Variants in EXOC4 observed in about 807,000 individuals in gnomAD.
EXOC4 encodes SEC8-like 1.
In EXOC4, 71 loss-of-function variants were observed where a neutral mutation model predicts 107.2. The ratio of observed to expected loss-of-function variants is 0.66; its 90% CI spans 0.55 to 0.81. The LOEUF (loss-of-function observed/expected upper bound fraction) is 0.81, where lower values mean the gene tolerates loss of function less well. Among genes scored for constraint, EXOC4 ranks in the 30% least tolerant of loss-of-function variants. The pLI is 0.00. For missense variants in EXOC4, 1,108 were observed against 1,189.6 expected (o/e 0.93, Z 1.01); for synonymous variants, 456 against 441.2 (o/e 1.03, Z -0.42).
intron 10 of EXOC4, among the ~76,000 whole-genome samples, chr7:133,770,736 A>T (rs959414964): frequency 3.9e-5 from 6 of 151,956 alleles, no homozygotes; most frequent in Admixed American, 3.9e-4. Context: ...TTTTTAAAAT[A>T]TGTAGACTCA....
intron 9 of EXOC4, among the ~76,000 whole-genome samples, chr7:133,555,889 A>G (rs1800680989): frequency 6.6e-6 from 1 of 152,186 alleles, no homozygotes; most frequent in Non-Finnish European, 1.5e-5. Context: ...CACTTAGAAA[A>G]TTATAACCAC....
chr7:133,924,232 G>A (rs564211299), intron 13 of EXOC4, among the ~76,000 whole-genome samples: 11 of 152,192 alleles, frequency 7.2e-5, no homozygotes, highest in East Asian at 1.9e-4. Context: ...TAATAGTTGC[G>A]CTACAAGCAG....
chr7:134,031,480 G>C (rs1795269939), intron 17 of EXOC4, among the ~76,000 whole-genome samples: 1 of 152,082 alleles, frequency 6.6e-6, no homozygotes, highest in South Asian at 2.1e-4. Context: ...TGGTAGTCTT[G>C]GTGATTTTAG....
chr7:133,256,019 T>C (rs1422237853), intron 1 of EXOC4, among the ~76,000 whole-genome samples: 2 of 151,802 alleles, frequency 1.3e-5, no homozygotes, highest in Non-Finnish European at 2.9e-5. Context: ...TCTCTCTCTG[T>C]CGCCCAGGCT....
At chr7:133,659,000 CTTTTTT>C (rs397890140) in intron 10 of EXOC4, among the ~76,000 whole-genome samples, 3 of 40,108 alleles carry the variant, frequency 7.5e-5, no homozygotes, top group South Asian at 1.6e-3. Context: ...TTCAGAGAAG[CTTTTTT>C]TTTTTTTTTT....
intron 10 of EXOC4, among the ~76,000 whole-genome samples, chr7:133,809,436 A>G (rs1285593293): frequency 6.6e-6 from 1 of 152,246 alleles, no homozygotes; most frequent in African/African-American, 2.4e-5. Flanking sequence ...ATCTTGGACT[A>G]AAATGGAGAT....
intron 11 of EXOC4, among the ~76,000 whole-genome samples, chr7:133,877,521 G>A (rs1270302360): frequency 1.5e-4 from 23 of 152,032 alleles, no homozygotes; most frequent in Admixed American, 1.4e-3. Flanking sequence ...ATTTGGCCCC[G>A]CTACTGAGAC....
chr7:133,320,435 C>G (rs1303579703), intron 5 of EXOC4, among the ~76,000 whole-genome samples: 1 of 152,066 alleles, frequency 6.6e-6, no homozygotes, highest in Non-Finnish European at 1.5e-5. Context: ...GGGTCACATT[C>G]TTCTCATGTT....
Position 133,484,828 on chromosome 7 carries a change from C to T in EXOC4, c.1417+4690C>T, listed in dbSNP as rs563213411. On this transcript the variant is annotated intron_variant, in intron 9 of 17. Transcript: ENST00000253861. The stretch of plus-strand genomic sequence containing the variant: ...ACACAGTGGCTTATGCCTGTAATCC[C>T]AGCACTTTGGGAGGCCTGAGGTGCA... 7.2e-5 allele frequency among the ~76,000 whole-genome samples: 11 copies of T among 151,948 alleles called. No homozygotes were observed. The East Asian group carries it at 1.6e-3, about 21-fold the overall frequency.
intron 7 of EXOC4, among the ~76,000 whole-genome samples, chr7:133,444,600 G>A (rs539620742): frequency 6.6e-6 from 1 of 152,312 alleles, no homozygotes; most frequent in African/African-American, 2.4e-5. Flanking sequence ...GCACTGTAGG[G>A]TGTGATTTGT....
At chr7:133,283,004 T>G (rs1190272938) in intron 2 of EXOC4, among the ~76,000 whole-genome samples, 1 of 152,230 alleles carries the variant, frequency 6.6e-6, no homozygotes, top group African/African-American at 2.4e-5. Flanking sequence ...TTTCTTAGAT[T>G]CTACATGTAA....
At chr7:133,889,248 T>A (rs1799153246) in intron 11 of EXOC4, among the ~76,000 whole-genome samples, 1 of 152,128 alleles carries the variant, frequency 6.6e-6, no homozygotes, top group East Asian at 1.9e-4. Flanking sequence ...GTGTCAAGAA[T>A]TCCATGATAG....
intron 5 of EXOC4, among the ~76,000 whole-genome samples, chr7:133,343,539 T>C (rs1795714424): frequency 6.6e-6 from 1 of 151,820 alleles, no homozygotes; most frequent in Admixed American, 6.6e-5. Flanking sequence ...AGCCTCCCAA[T>C]GTGACAGGAT....
At chr7:133,662,055 A>G (rs1196565067) in intron 10 of EXOC4, among the ~76,000 whole-genome samples, 1 of 152,172 alleles carries the variant, frequency 6.6e-6, no homozygotes. Flanking sequence ...GGTAGTATTA[A>G]AACCCACATT....
chr7:133,541,697 G>A (rs947208221), intron 9 of EXOC4, among the ~76,000 whole-genome samples: 2 of 151,778 alleles, frequency 1.3e-5, no homozygotes, highest in African/African-American at 4.8e-5. Context: ...TAGACATGGG[G>A]GTCTTACTAT....
intron 5 of EXOC4, among the ~76,000 whole-genome samples, chr7:133,353,292 A>C (rs913801332): frequency 2.6e-5 from 4 of 152,148 alleles, no homozygotes; most frequent in Non-Finnish European, 5.9e-5. Context: ...GCAGGACTTT[A>C]TAAAGCATTT....
chr7:133,746,631 G>A (rs1795683118), intron 10 of EXOC4, among the ~76,000 whole-genome samples: 1 of 152,148 alleles, frequency 6.6e-6, no homozygotes, highest in Non-Finnish European at 1.5e-5. Context: ...CGTTGTTGAG[G>A]TTCATAAGGT....
chr7:133,696,295 A>G (rs1298797776), intron 10 of EXOC4, among the ~76,000 whole-genome samples: 2 of 152,202 alleles, frequency 1.3e-5, no homozygotes, highest in Admixed American at 6.5e-5. Flanking sequence ...CTGACCACCA[A>G]CAGACCACCT....
At chr7:133,922,824 G>A (rs530987731) in intron 13 of EXOC4, among the ~76,000 whole-genome samples, 1 of 152,066 alleles carries the variant, frequency 6.6e-6, no homozygotes, top group South Asian at 2.1e-4. Context: ...ACTCAAGCCT[G>A]GGCGACAGAG....
Sources: allele counts gnomAD v4.1 joint callset (sites outside exome capture counted in the v4.1 genomes callset), GRCh38; gene constraint gnomAD v4.1.1; transcripts MANE v1.5; gene names NCBI Gene and HGNC (gene_info 2026-07-23, HGNC 2026-07-21).